ADH7: variants seen among roughly 807,000 people sequenced by gnomAD.
The protein encoded by ADH7 is all-trans-retinol dehydrogenase [NAD(+)] ADH7.
Under a neutral mutation model 34.4 loss-of-function variants are expected in ADH7, and 41 were observed. The observed-to-expected ratio is 1.19, with a 90% CI of 0.93 to 1.55. The LOEUF (loss-of-function observed/expected upper bound fraction) is 1.55, where lower values mean the gene tolerates loss of function less well. ADH7 is among the 40% of genes most tolerant of loss of function. ADH7 has a pLI of 0.00. For missense variants in ADH7, 540 were observed against 461.2 expected, an observed-to-expected ratio of 1.17 and a Z score of -1.56; for synonymous variants, 180 against 160.9, an observed-to-expected ratio of 1.12 and a Z score of -0.90.
chr4:99,428,643 A>G lies in ADH7; in HGVS notation c.121-13T>C. 6.2e-7 allele frequency: 1 copy of G among 1,609,354 alleles called. No homozygotes were observed. Among genetic ancestry groups the G allele is most frequent in the South Asian group, 1.1e-5 (1 of 89,868 alleles). On this transcript the variant is annotated splice_polypyrimidine_tract_variant and intron_variant, in intron 2 of 8. Transcript: ENST00000437033. ...CTGTGGCCAAAATCTGTGTTCAAAG[A>G]CAAAAACATTGCACCAATCAACAAA...
In ADH7 at chr4:99,428,365, T is replaced by C. The variant is rs941522661; in HGVS notation, c.259+127A>G. ...AAACATTACTCAGTAAAATCCATTCTTGTATCCTTTTAATTCCCTGAATTG... is the reference window on the plus strand; with the variant it reads ...AAACATTACTCAGTAAAATCCATTCCTGTATCCTTTTAATTCCCTGAATTG... On this transcript the variant is annotated intron_variant, in intron 3 of 8. Transcript: ENST00000437033. The C allele has an allele frequency of 3.7e-6, 5 of 1,337,228 alleles. No individual in the cohort carries two copies. The Admixed American group carries it at 1.1e-4, about 29-fold the overall frequency. The allele number at this position is 1,337,228 out of a possible 1,614,324, so 82.8% of individuals were successfully genotyped here.
chr4:99,431,375 T>C (rs1560565293), intron 1 of ADH7, among the ~76,000 whole-genome samples: 1 of 152,256 alleles, frequency 6.6e-6, no homozygotes, highest in East Asian at 1.9e-4. Context: ...CCCTGGAAGA[T>C]AACTTAGGGA....
At chr4:99,415,084 T>C (rs1424015637) in intron 8 of ADH7, among the ~76,000 whole-genome samples, 11 of 152,184 alleles carry the variant, frequency 7.2e-5, no homozygotes, top group Non-Finnish European at 1.5e-5. Context: ...GTTCTCATGA[T>C]AGTGAGTGAG....
intron 5 of ADH7, among the ~76,000 whole-genome samples, chr4:99,421,745 C>G (rs1154461): frequency 0.28 from 43,061 of 151,978 alleles, 6,602 homozygotes; most frequent in Admixed American, 0.37. Context: ...TTTTTGTGAT[C>G]TACTCATCTG....
At chr4:99,425,152 TA>T (rs1721769785) in intron 5 of ADH7, among the ~76,000 whole-genome samples, 1 of 151,684 alleles carries the variant, frequency 6.6e-6, no homozygotes, top group African/African-American at 2.4e-5. Context: ...CTGCATCAAC[TA>T]ATGAGCAAAA....
At position 99,420,583 on chromosome 4, in the gene ADH7, C is replaced by T. The variant is rs566626823; in HGVS notation, c.775G>A (p.Gly259Ser). 1 of 1,613,926 alleles carries T rather than the reference C, an allele frequency of 6.2e-7. No individual in the cohort carries two copies. Among genetic ancestry groups the T allele is most frequent in the African/African-American group, 1.3e-5 (1 of 75,024 alleles). The change falls in exon 6 of 9, where the codon GGC becomes AGC. Residue 259 changes from glycine (G) to serine (S), a missense_variant. Physicochemically the swap from Gly to Ser is moderately conservative, Grantham distance 56. Coordinates refer to ENST00000437033, the MANE Select transcript of ADH7 (RefSeq NM_000673.7). ...PISEVLSEMT[G>S]NNVGYTFEVI... is the part of the protein sequence containing the mutation. ...TCAAAGGTGTATCCCACGTTGTTGC[C>T]TGTCATTTCTGACAGCACCTCACTG...
chr4:99,423,592 T>C (rs1721723539), intron 5 of ADH7, among the ~76,000 whole-genome samples: 1 of 152,174 alleles, frequency 6.6e-6, no homozygotes, highest in African/African-American at 2.4e-5. Context: ...AGATGGTATC[T>C]CATTGTGGTT....
At chr4:99,425,749 G>A (rs1721787130) in intron 5 of ADH7, among the ~76,000 whole-genome samples, 1 of 152,136 alleles carries the variant, frequency 6.6e-6, no homozygotes, top group Non-Finnish European at 1.5e-5. Flanking sequence ...CAAATCAACA[G>A]AATATACATT....
chr4:99,428,181 GA>G lies in ADH7; in HGVS notation c.260-8del, dbSNP rs1560564402. On this transcript the variant is annotated splice_region_variant and splice_polypyrimidine_tract_variant and intron_variant, in intron 3 of 8. Transcript: ENST00000437033. ...AGAGGGATGACTTTGTCACCTACAG[GA>G]AAAAAATCATGATATAAGATGCTGT... 3 of 1,609,916 alleles carry G rather than the reference GA, an allele frequency of 1.9e-6. No individual in the cohort carries two copies. Among genetic ancestry groups the G allele is most frequent in the African/African-American group, 1.3e-5 (1 of 74,632 alleles).
At chr4:99,433,474 C>A (rs563711835) in intron 1 of ADH7, among the ~76,000 whole-genome samples, 8 of 152,164 alleles carry the variant, frequency 5.3e-5, no homozygotes, top group Middle Eastern at 3.4e-3. Context: ...TATTTTCTGA[C>A]CTTCCAAATT....
chr4:99,434,903 T>C lies in ADH7; in HGVS notation c.18+313A>G, dbSNP rs1011446559. ...CGATTGAAGTGTCCTTGTGGAAACA[T>C]TTGGCTTCCTGGAGCAATTGCCCAG... On this transcript the variant is annotated intron_variant, in intron 1 of 8. Coordinates refer to ENST00000437033, the MANE Select transcript of ADH7 (RefSeq NM_000673.7). The C allele has an allele frequency of 7.6e-6, 6 of 792,696 alleles. No individual in the cohort carries two copies. The African/African-American group carries it at 8.6e-5, about 11-fold the overall frequency. The allele number at this position is 792,696 out of a possible 1,614,324, so 49.1% of individuals were successfully genotyped here.
At chr4:99,413,466 T>C (rs1399032667) in intron 8 of ADH7, among the ~76,000 whole-genome samples, 1 of 152,176 alleles carries the variant, frequency 6.6e-6, no homozygotes. Flanking sequence ...ACAGGAAAGG[T>C]AATCCAATAT....
chr4:99,430,117 T>G (rs1721907004), intron 1 of ADH7: 2 of 152,642 alleles, frequency 1.3e-5, no homozygotes, highest in African/African-American at 2.4e-5. Flanking sequence ...ATAGCAATGG[T>G]GAAGAAATTA....
At chr4:99,420,107 C>T (rs549081396) in intron 6 of ADH7, among the ~76,000 whole-genome samples, 28 of 152,048 alleles carry the variant, frequency 1.8e-4, no homozygotes, top group African/African-American at 2.4e-5. Flanking sequence ...GTGAGAAGGT[C>T]GATGGATCAC....
chr4:99,434,208 G>C (rs746543884), intron 1 of ADH7, among the ~76,000 whole-genome samples: 2 of 152,134 alleles, frequency 1.3e-5, no homozygotes, highest in African/African-American at 4.8e-5. Context: ...GGTGGTAAAA[G>C]TTGCAAATTT....
rs1721850013 is a variant in ADH7, at chr4:99,427,964, C to A, written c.373G>T (p.Asp125Tyr). 6.2e-7 allele frequency: 1 copy of A among 1,613,858 alleles called. No homozygotes were observed. Among genetic ancestry groups the A allele is most frequent in the East Asian group, 2.2e-5 (1 of 44,896 alleles). ...SDITGRGVLA[D>Y]GTTRFTCKGK... ...TTGCATGTAAATCTGGTGGTGCCAT[C>A]AGCCAGTACTCCACGACCAGTAATA... Residue 125 changes from aspartate (D) to tyrosine (Y), a missense_variant, in exon 5 of 9, where the codon GAT becomes TAT. Coordinates refer to ENST00000437033, the MANE Select transcript of ADH7 (RefSeq NM_000673.7).
chr4:99,423,822 A>G (rs1203346617), intron 5 of ADH7, among the ~76,000 whole-genome samples: 1 of 151,976 alleles, frequency 6.6e-6, no homozygotes, highest in Non-Finnish European at 1.5e-5. Context: ...CCCCCATTTT[A>G]TAGGTTGTCT....
intron 5 of ADH7, among the ~76,000 whole-genome samples, chr4:99,426,888 G>A (rs143963320): frequency 1.2e-3 from 184 of 152,240 alleles, no homozygotes; most frequent in African/African-American, 4.1e-3. Flanking sequence ...TCATACCTGC[G>A]ATGCAAGGCT....
chr4:99,432,012 CA>C (rs1721946585), intron 1 of ADH7, among the ~76,000 whole-genome samples: 1 of 152,166 alleles, frequency 6.6e-6, no homozygotes, highest in Non-Finnish European at 1.5e-5. Context: ...AAGACATATG[CA>C]TGCGTATGTT....
Sources: allele counts gnomAD v4.1 joint callset (sites outside exome capture counted in the v4.1 genomes callset), GRCh38; gene constraint gnomAD v4.1.1; transcripts MANE v1.5; gene names NCBI Gene and HGNC (gene_info 2026-07-23, HGNC 2026-07-21).